NFIC: variants seen among roughly 807,000 people sequenced by gnomAD.
NFIC encodes the protein nuclear factor 1 C-type.
A neutral mutation model predicts 54.4 loss-of-function variants in NFIC; 12 were observed. That is an observed-to-expected ratio of 0.22 (90% CI 0.14 to 0.36). The LOEUF (loss-of-function observed/expected upper bound fraction) is 0.36. NFIC is among the 10% of genes least tolerant of loss of function. NFIC has a pLI of 1.00. For missense variants in NFIC, 575 were observed against 718.2 expected, an observed-to-expected ratio of 0.80 and a Z score of 2.28; for synonymous variants, 322 against 319.2, an observed-to-expected ratio of 1.01 and a Z score of -0.09.
intron 1 of NFIC, among the ~76,000 whole-genome samples, chr19:3,374,794 CAT>C (rs1462959013): frequency 6.6e-6 from 1 of 152,130 alleles, no homozygotes. Context: ...TATTGCAGGT[CAT>C]GTGGGAGAAA....
chr19:3,380,607 G>A (rs151316451), intron 1 of NFIC, among the ~76,000 whole-genome samples: 2,696 of 144,414 alleles, frequency 0.019, 98 homozygotes, highest in African/African-American at 0.067. Context: ...GGGATTACAG[G>A]TGTGAGCCAC....
chr19:3,438,582 C>T (rs2082243498), intron 6 of NFIC, among the ~76,000 whole-genome samples: 1 of 152,088 alleles, frequency 6.6e-6, no homozygotes, highest in Non-Finnish European at 1.5e-5. Context: ...GGACTACAGG[C>T]ACCCACTACC....
Position 3,452,356 on chromosome 19 carries a change from G to A in NFIC, c.1085-126G>A. 2 of 1,273,402 alleles carry A rather than the reference G, an allele frequency of 1.6e-6. No individual in the cohort carries two copies. Among genetic ancestry groups the A allele is most frequent in the Non-Finnish European group, 1.1e-6 (1 of 918,046 alleles). The allele number at this position is 1,273,402 out of a possible 1,614,324, so 78.9% of individuals were successfully genotyped here. On this transcript the variant is annotated intron_variant, in intron 7 of 10. Transcript: ENST00000443272. The surrounding 1 kb of genome is among the most constrained non-coding windows in gnomAD (Gnocchi z 5.3). The stretch of plus-strand genomic sequence containing the variant: ...TGGTCAGTGCTGCTGGGTTTTTTTG[G>A]TGGTTATTGTTACTAAACGCACTGA...
At chr19:3,408,137 G>T (rs1401026902) in intron 2 of NFIC, among the ~76,000 whole-genome samples, 2 of 152,144 alleles carry the variant, frequency 1.3e-5, no homozygotes, top group African/African-American at 4.8e-5. Context: ...AAATCAACCA[G>T]GCGAGCTCAC....
intron 1 of NFIC, among the ~76,000 whole-genome samples, chr19:3,368,502 C>T (rs1012923681): frequency 6.6e-6 from 1 of 152,164 alleles, no homozygotes; most frequent in African/African-American, 2.4e-5. Flanking sequence ...AGGGGTGCTG[C>T]GTGCAAGAGA....
chr19:3,372,396 C>T lies in NFIC; in HGVS notation c.30+5730C>T, dbSNP rs1451495469. ...TGACCAGCCCTGTGTGGGTACCAGCCTTCCTTACACATGGGGGTGCATGGA... is the reference window on the plus strand; with the variant it reads ...TGACCAGCCCTGTGTGGGTACCAGCTTTCCTTACACATGGGGGTGCATGGA... On this transcript the variant is annotated intron_variant, in intron 1 of 10. Coordinates refer to ENST00000443272, the MANE Select transcript of NFIC (RefSeq NM_001245002.2). 2.0e-5 allele frequency among the ~76,000 whole-genome samples: 3 copies of T among 152,176 alleles called. No individual in the cohort carries two copies. In the East Asian group the frequency reaches 5.8e-4, roughly 29 times the overall value.
At chr19:3,443,296 C>G (rs951768078) in intron 6 of NFIC, among the ~76,000 whole-genome samples, 3 of 151,918 alleles carry the variant, frequency 2.0e-5, no homozygotes, top group Non-Finnish European at 4.4e-5. Flanking sequence ...GTGGCGTGTG[C>G]CTGTAGTCCC....
intron 1 of NFIC, among the ~76,000 whole-genome samples, chr19:3,373,779 G>A (rs1599563103): frequency 1.3e-5 from 2 of 152,164 alleles, no homozygotes; most frequent in Non-Finnish European, 2.9e-5. Context: ...GGTGAGGGCC[G>A]AGCCCAGGTC....
intron 10 of NFIC, among the ~76,000 whole-genome samples, chr19:3,460,570 A>G (rs1342576328): frequency 3.9e-5 from 6 of 151,950 alleles, no homozygotes; most frequent in Admixed American, 1.3e-4. Context: ...CTGGAGTGCA[A>G]TGGCACGATC....
intron 2 of NFIC, among the ~76,000 whole-genome samples, chr19:3,424,188 C>T (rs1001939130): frequency 2.0e-5 from 3 of 151,620 alleles, no homozygotes; most frequent in Non-Finnish European, 4.4e-5. Flanking sequence ...CCACCATGCC[C>T]GGCTAATTTT....
intron 2 of NFIC, among the ~76,000 whole-genome samples, chr19:3,390,783 G>A (rs934567193): frequency 6.6e-6 from 1 of 151,498 alleles, no homozygotes; most frequent in Non-Finnish European, 1.5e-5. Flanking sequence ...GACAAATCCT[G>A]TGTGATTCCA....
chr19:3,381,909 G>T lies in NFIC; in HGVS notation c.228G>T (p.Leu76=), dbSNP rs144458967. 1,532 of 1,613,748 alleles carry T rather than the reference G, an allele frequency of 9.5e-4. No homozygotes were observed. Among genetic ancestry groups the T allele is most frequent in the Non-Finnish European group, 1.2e-3 (1,433 of 1,179,942 alleles). Residue 76 remains leucine, a synonymous_variant, in exon 2 of 11, where the codon CTG becomes CTT. Coordinates refer to ENST00000443272, the MANE Select transcript of NFIC (RefSeq NM_001245002.2). ...TCAAGCAGAAGTGGGCGTCGCGGCT[G>T]CTGGCCAAGCTGCGCAAGGACATCC... The part of the protein sequence containing the change: ...PEVKQKWASR[L]LAKLRKDIRP...
At chr19:3,402,843 C>G (rs556504346) in intron 2 of NFIC, among the ~76,000 whole-genome samples, 6 of 151,984 alleles carry the variant, frequency 3.9e-5, no homozygotes, top group African/African-American at 7.3e-5. Context: ...GGAGGAACAG[C>G]GAGGAGGCCC....
At chr19:3,447,350 T>C (rs1019938000) in intron 6 of NFIC, among the ~76,000 whole-genome samples, 11 of 145,848 alleles carry the variant, frequency 7.5e-5, no homozygotes, top group Non-Finnish European at 1.6e-4. Flanking sequence ...GCATTTCGGC[T>C]CCAGAGCTGG....
chr19:3,401,740 T>TC (rs1044189249), intron 2 of NFIC, among the ~76,000 whole-genome samples: 1 of 151,384 alleles, frequency 6.6e-6, no homozygotes, highest in Non-Finnish European at 1.5e-5. Flanking sequence ...TCTCTTTTTT[T>TC]AGACAGAGTC....
In NFIC at chr19:3,388,166, C is replaced by T. The variant is rs751067584; in HGVS notation, c.562+5923C>T. ...CGGGAATGGCGCGGTGGGCAGAGCC[C>T]GGCCCGGGAAGCTCATAGCACGCCA... On this transcript the variant is annotated intron_variant, in intron 2 of 10. Transcript: ENST00000443272. 2.1e-4 allele frequency among the ~76,000 whole-genome samples: 32 copies of T among 152,156 alleles called. No homozygotes were observed. In the Middle Eastern group the frequency reaches 0.01, roughly 49 times the overall value.
chr19:3,396,848 C>T (rs970536103), intron 2 of NFIC, among the ~76,000 whole-genome samples: 2 of 152,110 alleles, frequency 1.3e-5, no homozygotes, highest in Admixed American at 6.6e-5. Context: ...CTCAGCTACT[C>T]GGGAGGCTGA....
In NFIC at chr19:3,435,077, C is replaced by T. The variant is rs1221317907; in HGVS notation, c.834-6C>T. 2.5e-6 allele frequency: 4 copies of T among 1,591,234 alleles called. No individual in the cohort carries two copies. The highest frequency in any genetic ancestry group is 1.3e-5 in the African/African-American group (1 of 74,478). On this transcript the variant is annotated splice_region_variant and splice_polypyrimidine_tract_variant and intron_variant, in intron 5 of 10. Coordinates refer to ENST00000443272, the MANE Select transcript of NFIC (RefSeq NM_001245002.2). The stretch of plus-strand genomic sequence containing the variant: ...AACCAGCCTCTCCCCTTCCCTCGCC[C>T]ATAAGGAGCAAGCGGCACAAATCGG...
At chr19:3,367,413 G>A (rs1011921768) in intron 1 of NFIC, among the ~76,000 whole-genome samples, 1 of 152,138 alleles carries the variant, frequency 6.6e-6, no homozygotes, top group South Asian at 2.1e-4. Context: ...CCGGCGCTCC[G>A]GGTCTGGCCC....
Sources: gnomAD v4.1 joint callset for allele counts (sites outside exome capture counted in the v4.1 genomes callset) on GRCh38, gnomAD v4.1.1 for gene constraint, Gnocchi (gnomAD v3.1) non-coding constraint, MANE v1.5 for transcripts, NCBI Gene and HGNC (gene_info 2026-07-23, HGNC 2026-07-21) for gene names.